The following GPC4 variants were observed in gnomAD, a reference collection of about 807,000 sequenced individuals.
GPC4 encodes glypican 4, also known as glypican-4.
Under a neutral mutation model 35.0 loss-of-function variants are expected in GPC4, and 10 were observed. The observed-to-expected ratio is 0.29, with a 90% CI of 0.18 to 0.48. The LOEUF is 0.48. Among genes scored for constraint, GPC4 ranks in the 20% least tolerant of loss-of-function variants. GPC4 has a pLI of 0.99. For synonymous variants in GPC4, 167 were observed against 170.2 expected (o/e 0.98, Z 0.15); for missense variants, 322 against 451.3 (o/e 0.71, Z 2.60).
intron 7 of GPC4, among the ~76,000 whole-genome samples, chrX:133,303,584 C>T (rs2068277518): frequency 9.0e-6 from 1 of 111,196 alleles, no homozygotes; most frequent in African/African-American, 3.3e-5. Context: ...TGATGGAAAC[C>T]TTCTTCAAAG....
At chrX:133,381,181 A>G (rs1315925959) in intron 1 of GPC4, among the ~76,000 whole-genome samples, 2 of 112,041 alleles carry the variant, frequency 1.8e-5, no homozygotes, top group Admixed American at 9.5e-5. Flanking sequence ...TACAAAGGAG[A>G]TCATACGTGA....
At chrX:133,330,779 C>A (rs910286274) in intron 2 of GPC4, among the ~76,000 whole-genome samples, 1 of 110,369 alleles carries the variant, frequency 9.1e-6, no homozygotes, top group Non-Finnish European at 1.9e-5. Flanking sequence ...CCCATCTCTA[C>A]AAAAATTTAA....
At position 133,346,194 on chromosome X, in the gene GPC4, G is replaced by A. The variant is rs776321896; in HGVS notation, c.161-6853C>T. On this transcript the variant is annotated intron_variant, in intron 1 of 8. Coordinates refer to ENST00000370828, the MANE Select transcript of GPC4 (RefSeq NM_001448.3). ...TGCCATGCAGAAAAAGGGGGAAGGC[G>A]GGGCGGGGCATGGTGTTGCAAAGGA... is the stretch of plus-strand genomic sequence containing the variant. Among the ~76,000 whole-genome samples the A allele has an allele frequency of 1.5e-4, 17 of 111,530 alleles. No homozygotes were observed. In the South Asian group the frequency reaches 6.1e-3, roughly 40 times the overall value.
At chrX:133,339,939 CTTGAGT>C (rs1314738143) in intron 1 of GPC4, among the ~76,000 whole-genome samples, 1 of 111,680 alleles carries the variant, frequency 9.0e-6, no homozygotes, top group Non-Finnish European at 1.9e-5. Flanking sequence ...ATCCTCAATC[CTTGAGT>C]TTAAGATTTT....
intron 1 of GPC4, among the ~76,000 whole-genome samples, chrX:133,379,351 T>C (rs188946491): frequency 8.9e-6 from 1 of 112,217 alleles, no homozygotes; most frequent in Non-Finnish European, 1.9e-5. Flanking sequence ...TTATATGAAA[T>C]GTCTAGAATG....
chrX:133,394,993 T>A (rs1235464233), intron 1 of GPC4, among the ~76,000 whole-genome samples: 1 of 111,860 alleles, frequency 8.9e-6, no homozygotes, highest in Non-Finnish European at 1.9e-5. Context: ...AGAGCTCTCA[T>A]GTTTCTTTTT....
At chrX:133,403,626 C>T (rs1484328418) in intron 1 of GPC4, among the ~76,000 whole-genome samples, 1 of 110,881 alleles carries the variant, frequency 9.0e-6, no homozygotes, top group African/African-American at 3.3e-5. Context: ...GAGCACCTAC[C>T]ACATGCCATG....
At chrX:133,344,927 C>T (rs918244946) in intron 1 of GPC4, among the ~76,000 whole-genome samples, 4 of 112,286 alleles carry the variant, frequency 3.6e-5, no homozygotes, top group African/African-American at 1.3e-4. Flanking sequence ...GTAAGGACCG[C>T]AGTGAGGAAC....
chrX:133,409,052 G>A (rs189693973), intron 1 of GPC4, among the ~76,000 whole-genome samples: 101 of 109,504 alleles, frequency 9.2e-4, no homozygotes, highest in East Asian at 5.8e-3. Context: ...CTACTCGGGA[G>A]GCTGAGGCAA....
At chrX:133,405,871 C>T (rs2068784983) in intron 1 of GPC4, among the ~76,000 whole-genome samples, 1 of 112,402 alleles carries the variant, frequency 8.9e-6, no homozygotes, top group Non-Finnish European at 1.9e-5. Context: ...GATACAGGAG[C>T]CATTCAATGA....
intron 1 of GPC4, among the ~76,000 whole-genome samples, chrX:133,388,413 CACTT>C (rs757404065): frequency 1.8e-5 from 2 of 112,310 alleles, no homozygotes; most frequent in East Asian, 2.8e-4. Flanking sequence ...GAGTTAGTAA[CACTT>C]ACTGAGCCCC....
chrX:133,312,539 G>T (rs1262682630), intron 3 of GPC4, among the ~76,000 whole-genome samples: 10 of 109,424 alleles, frequency 9.1e-5, no homozygotes, highest in African/African-American at 1.3e-4. Flanking sequence ...TGAGGCAGAA[G>T]AATTGCTTGA....
At chrX:133,315,186 C>T (rs1417924979) in intron 3 of GPC4, among the ~76,000 whole-genome samples, 1 of 107,758 alleles carries the variant, frequency 9.3e-6, no homozygotes, top group Non-Finnish European at 1.9e-5. Flanking sequence ...CACCCAAAAT[C>T]TGAAATGCTC....
chrX:133,304,151 T>C (rs1603053836), intron 7 of GPC4, among the ~76,000 whole-genome samples: 1 of 95,809 alleles, frequency 1.0e-5, no homozygotes, highest in Non-Finnish European at 2.1e-5. Flanking sequence ...AAAAAAAAAA[T>C]TAGCCAGGCA....
At chrX:133,407,268 A>G (rs1238353846) in intron 1 of GPC4, among the ~76,000 whole-genome samples, 2 of 110,756 alleles carry the variant, frequency 1.8e-5, no homozygotes, top group African/African-American at 6.6e-5. Flanking sequence ...GAAGAACCTC[A>G]CCAAAGGTAT....
At chrX:133,409,537 C>T (rs1451425897) in intron 1 of GPC4, among the ~76,000 whole-genome samples, 1 of 110,570 alleles carries the variant, frequency 9.0e-6, no homozygotes, top group Non-Finnish European at 1.9e-5. Flanking sequence ...TACTGCTACC[C>T]ACAGACAAGA....
At position 133,311,290 on chromosome X, in the gene GPC4, C is replaced by G. The variant is rs1291610541; in HGVS notation, c.845G>C (p.Gly282Ala). The G allele has an allele frequency of 8.3e-7, 1 of 1,210,056 alleles. No homozygotes were observed. The highest frequency in any genetic ancestry group is 2.2e-5 in the Admixed American group (1 of 45,761). Residue 282 changes from glycine (G) to alanine (A), a missense_variant, in exon 4 of 9, where the codon GGG becomes GCG. Around this residue, in one of 3 missense-constraint regions of GPC4, gnomAD observed 163 missense variants for 277.2 expected, o/e 0.59. Coordinates refer to ENST00000370828, the MANE Select transcript of GPC4 (RefSeq NM_001448.3). Reference protein sequence around the residue: ...NIMRGCLANQGDLDFEWNNFI... With the variant: ...NIMRGCLANQADLDFEWNNFI... ...ATTGTTCCATTCAAAATCGAGATCC[C>G]CTTGGTTGGCCAAACAGCCTCTCAT...
rs143850661 is a variant in GPC4, at chrX:133,347,845, T to C, written c.161-8504A>G. 9.4e-3 allele frequency among the ~76,000 whole-genome samples: 1,049 copies of C among 111,819 alleles called. 11 individuals are homozygous for C. Among genetic ancestry groups the C allele is most frequent in the African/African-American group, 0.033 (1,010 of 30,751 alleles). On this transcript the variant is annotated intron_variant, in intron 1 of 8. Coordinates refer to ENST00000370828, the MANE Select transcript of GPC4 (RefSeq NM_001448.3). ...ACGTAAATTACAGTCATTATGCAGATGTATGATTTGAGATCACCTACTAAT... is the reference window on the plus strand; with the variant it reads ...ACGTAAATTACAGTCATTATGCAGACGTATGATTTGAGATCACCTACTAAT...
At position 133,324,428 on chromosome X, in the gene GPC4, A is replaced by G; in HGVS notation, c.428T>C (p.Phe143Ser). 1 of 1,211,266 alleles carries G rather than the reference A, an allele frequency of 8.3e-7. No homozygotes were observed. The change falls in exon 3 of 9, where the codon TTC becomes TCC. Residue 143 changes from phenylalanine to serine, a missense_variant. By Grantham distance (155) the Phe-to-Ser change is radical. Around this residue, in one of 3 missense-constraint regions of GPC4, gnomAD observed 163 missense variants for 277.2 expected, o/e 0.59. Transcript: ENST00000370828. ...CACGTAGTAACGTTTCAACTCTACG[A>G]AGAGATCTTTAAATAGCTCAGAATT... ...MQNSELFKDL[F>S]VELKRYYVVG...
Sources: allele counts gnomAD v4.1 joint callset (sites outside exome capture counted in the v4.1 genomes callset), GRCh38; gene constraint gnomAD v4.1.1; regional missense constraint gnomAD v4.1.1; transcripts MANE v1.5; gene names NCBI Gene and HGNC (gene_info 2026-07-23, HGNC 2026-07-21).